TENM4: variants seen among roughly 807,000 people sequenced by gnomAD.
The protein encoded by TENM4 is teneurin-4.
TENM4 carries 82 observed loss-of-function variants against 243.3 expected under a neutral mutation model. That is an observed-to-expected ratio of 0.34 (90% confidence interval 0.28 to 0.40). The LOEUF is 0.40. Among genes scored for constraint, TENM4 ranks in the 10% least tolerant of loss-of-function variants. The probability of loss-of-function intolerance (pLI) is 1.00; values close to 1 mark genes in which losing one functional copy is unlikely to be tolerated. For synonymous variants in TENM4, 1,412 were observed against 1,456.3 expected (o/e 0.97, Z 0.69); for missense variants, 3,138 against 3,673.3 (o/e 0.85, Z 3.77).
chr11:78,914,989 T>C (rs1264654766), intron 6 of TENM4, among the ~76,000 whole-genome samples: 1 of 152,158 alleles, frequency 6.6e-6, no homozygotes, highest in African/African-American at 2.4e-5. Context: ...GCTTCCCTGA[T>C]TGAAAGCATT....
chr11:79,090,884 G>A (rs140025264), intron 4 of TENM4, among the ~76,000 whole-genome samples: 3 of 152,294 alleles, frequency 2.0e-5, no homozygotes, highest in Non-Finnish European at 4.4e-5. Context: ...CTGTTTAGTG[G>A]GAGAAACTGA....
chr11:78,947,300 G>A (rs773041673), intron 6 of TENM4, among the ~76,000 whole-genome samples: 2 of 152,150 alleles, frequency 1.3e-5, no homozygotes, highest in Non-Finnish European at 2.9e-5. Context: ...ACTTGCCCAA[G>A]GCCAGACAGC....
In TENM4 at chr11:78,732,441, C is replaced by T. The variant is rs1459971613; in HGVS notation, c.3013G>A (p.Glu1005Lys). Residue 1005 changes from glutamate (E) to lysine (K), a missense_variant, in exon 21 of 34, where the codon GAG becomes AAG. Physicochemically the swap from Glu to Lys is moderately conservative, Grantham distance 56. Around this residue, in one of 2 missense-constraint regions of TENM4, gnomAD observed 2,467 missense variants for 3,059.1 expected, o/e 0.81. Transcript: ENST00000278550. ...AGGTCACAGCTGGGAATCTCATTCT[C>T]CTCATGTCTCATGATGATGGTTTCC... The part of the protein sequence containing the change: ...VMETIIMRHE[E>K]NEIPSCDLSN... The T allele has an allele frequency of 3.7e-6, 6 of 1,613,746 alleles. No homozygotes were observed. In the African/African-American group the frequency reaches 5.3e-5, roughly 14 times the overall value.
At chr11:78,888,552 CTCAAA>C (rs1855593962) in intron 9 of TENM4, among the ~76,000 whole-genome samples, 1 of 152,210 alleles carries the variant, frequency 6.6e-6, no homozygotes, top group Non-Finnish European at 1.5e-5. Flanking sequence ...GCTTATGCCA[CTCAAA>C]CCCCATCCAT....
At position 78,765,523 on chromosome 11, in the gene TENM4, T is replaced by C. The variant is rs376116680; in HGVS notation, c.2539+5469A>G. ...ATTGCAACCCATGATTGTTTTTTCA[T>C]GGGAACAAGAGCACCAAAAGAGATT... On this transcript the variant is annotated intron_variant, in intron 18 of 33. Transcript: ENST00000278550. Among the ~76,000 whole-genome samples the C allele has an allele frequency of 2.0e-5, 3 of 152,322 alleles. No homozygotes were observed. The East Asian group carries it at 5.8e-4, about 29-fold the overall frequency.
chr11:79,377,125 G>A (rs368107988), intron 1 of TENM4, among the ~76,000 whole-genome samples: 4 of 152,168 alleles, frequency 2.6e-5, no homozygotes, highest in African/African-American at 9.7e-5. Context: ...TTGGAGTACT[G>A]TGGCCACAAG....
rs535740317 is a variant in TENM4 at position 79,368,077 on chromosome 11, G to A, written c.-320-70534C>T. Among the ~76,000 whole-genome samples the A allele has an allele frequency of 2.8e-4, 42 of 152,174 alleles. No homozygotes were observed. The South Asian group carries it at 7.7e-3, about 28-fold the overall frequency. ...AGTTCGCTGCGGCCCTTGGGGATTC[G>A]GGGCAGGAAGGCACCAACGCCAGAG... On this transcript the variant is annotated intron_variant, in intron 1 of 33. Coordinates refer to ENST00000278550, the MANE Select transcript of TENM4 (RefSeq NM_001098816.3).
chr11:78,729,159 G>C (rs954566628), intron 22 of TENM4, among the ~76,000 whole-genome samples: 1 of 152,146 alleles, frequency 6.6e-6, no homozygotes, highest in Non-Finnish European at 1.5e-5. Context: ...GGGCCCTTTG[G>C]TTCTGTAGCC....
chr11:79,108,854 C>A (rs1861436961), intron 4 of TENM4, among the ~76,000 whole-genome samples: 1 of 152,164 alleles, frequency 6.6e-6, no homozygotes, highest in African/African-American at 2.4e-5. Context: ...TCCTGGGCTC[C>A]TGCCCAGTTC....
At chr11:78,753,178 G>A (rs1472699502) in intron 19 of TENM4, among the ~76,000 whole-genome samples, 2 of 152,194 alleles carry the variant, frequency 1.3e-5, no homozygotes, top group Non-Finnish European at 2.9e-5. Flanking sequence ...ACTATGATAT[G>A]CGGCTGCTAC....
intron 6 of TENM4, among the ~76,000 whole-genome samples, chr11:78,976,897 G>T (rs189147205): frequency 4.1e-4 from 62 of 152,314 alleles, no homozygotes; most frequent in African/African-American, 1.4e-3. Context: ...TTTGTGTCTG[G>T]CACCGCACTA....
intron 33 of TENM4, among the ~76,000 whole-genome samples, chr11:78,660,383 C>G (rs558386622): frequency 6.6e-6 from 1 of 152,090 alleles, no homozygotes; most frequent in African/African-American, 2.4e-5. Flanking sequence ...ATCCTGTATG[C>G]TGGGTACTAA....
At chr11:79,341,150 T>C (rs1857235132) in intron 1 of TENM4, among the ~76,000 whole-genome samples, 1 of 152,196 alleles carries the variant, frequency 6.6e-6, no homozygotes, top group Admixed American at 6.5e-5. Flanking sequence ...GAACCAGCCC[T>C]GCCAACGCCT....
In TENM4 at chr11:79,124,558, G is replaced by A. The variant is rs547778095; in HGVS notation, c.-66+24152C>T. Among the ~76,000 whole-genome samples the A allele has an allele frequency of 2.6e-5, 4 of 151,718 alleles. No individual in the cohort carries two copies. The South Asian group carries it at 8.3e-4, about 32-fold the overall frequency. The stretch of plus-strand genomic sequence containing the variant: ...CAGCCTATTGTGGGATCTTGTGACA[G>A]TGTGAGTTAATACTTAATAGACTAC... On this transcript the variant is annotated intron_variant, in intron 4 of 33. Coordinates refer to ENST00000278550, the MANE Select transcript of TENM4 (RefSeq NM_001098816.3).
intron 3 of TENM4, among the ~76,000 whole-genome samples, chr11:79,160,630 T>C (rs1862723174): frequency 1.3e-5 from 2 of 152,010 alleles, no homozygotes; most frequent in South Asian, 4.2e-4. Flanking sequence ...CAGTGACAGG[T>C]GCCAGGGTCA....
chr11:79,376,571 T>C (rs977103651), intron 1 of TENM4, among the ~76,000 whole-genome samples: 1 of 152,224 alleles, frequency 6.6e-6, no homozygotes, highest in Non-Finnish European at 1.5e-5. Flanking sequence ...TCCCTTGACC[T>C]ATCTATGAGC....
chr11:79,057,008 C>T (rs1327654181), intron 6 of TENM4, among the ~76,000 whole-genome samples: 1 of 152,148 alleles, frequency 6.6e-6, no homozygotes, highest in African/African-American at 2.4e-5. Context: ...AAGTTCTATC[C>T]CCATCCACAG....
chr11:78,669,709 G>C lies in TENM4; in HGVS notation c.6636C>G (p.Leu2212=). ...LQTVSINDKP[L]WRYSYDLNGN... ...CATTGAGGTCGTAGCTGTAGCGCCA[G>C]AGTGGCTTGTCATTGATGGAGACTG... Residue 2212 remains leucine, a synonymous_variant, in exon 32 of 34, where the codon CTC becomes CTG. Transcript: ENST00000278550. This position sits in a 1 kb window ranked among gnomAD's most constrained non-coding sequence, Gnocchi z 6.4. 6.2e-7 allele frequency: 1 copy of C among 1,614,020 alleles called. No individual in the cohort carries two copies. The highest frequency in any genetic ancestry group is 8.5e-7 in the Non-Finnish European group (1 of 1,179,902).
At chr11:79,018,325 T>C (rs12790693) in intron 6 of TENM4, among the ~76,000 whole-genome samples, 12,279 of 152,198 alleles carry the variant, frequency 0.081, 549 homozygotes, top group Middle Eastern at 0.14. Context: ...CCTGAGGTTC[T>C]CTTGCCAGCA....
Sources: gnomAD v4.1 joint callset for allele counts (sites outside exome capture counted in the v4.1 genomes callset) on GRCh38, gnomAD v4.1.1 for gene constraint, gnomAD v4.1.1 regional missense constraint, Gnocchi (gnomAD v3.1) non-coding constraint, MANE v1.5 for transcripts, NCBI Gene and HGNC (gene_info 2026-07-23, HGNC 2026-07-21) for gene names.